The following ERBIN variants were observed in gnomAD, a reference collection of about 807,000 sequenced individuals.
ERBIN encodes the protein erbb2 interacting protein, also known as densin-180-like protein.
A neutral mutation model predicts 158.4 loss-of-function variants in ERBIN; 60 were observed. That is an observed-to-expected ratio of 0.38 (90% CI 0.31 to 0.47). ERBIN has a LOEUF of 0.47. Among genes scored for constraint, ERBIN ranks in the 20% least tolerant of loss-of-function variants. The pLI is 0.99. For missense variants in ERBIN, 1,610 were observed against 1,648.0 expected (o/e 0.98, Z 0.40); for synonymous variants, 594 against 557.2 (o/e 1.07, Z -0.93).
At chr5:66,029,327 T>C (rs1756602751) in intron 14 of ERBIN, among the ~76,000 whole-genome samples, 2 of 152,234 alleles carry the variant, frequency 1.3e-5, no homozygotes, top group South Asian at 4.1e-4. Context: ...AAATTAATGC[T>C]TATTATTTGA....
chr5:65,939,568 CTCTT>C (rs1211377425), intron 1 of ERBIN, among the ~76,000 whole-genome samples: 56 of 152,202 alleles, frequency 3.7e-4, no homozygotes, highest in African/African-American at 1.3e-3. Flanking sequence ...CCCTCTCCCT[CTCTT>C]TCCACGGTCT....
At chr5:65,992,510 A>G (rs1751986401) in intron 2 of ERBIN, among the ~76,000 whole-genome samples, 200 bp from the exon 3 acceptor site, 1 of 152,194 alleles carries the variant, frequency 6.6e-6, no homozygotes, top group African/African-American at 2.4e-5. Flanking sequence ...GTGAAGTACT[A>G]AAGAGCTTGA....
intron 1 of ERBIN, among the ~76,000 whole-genome samples, chr5:65,977,579 C>T (rs1228261933): frequency 0.039 from 5,922 of 151,306 alleles, 363 homozygotes; most frequent in African/African-American, 0.14. Flanking sequence ...CAGAGACGCT[C>T]CTCACTTCCC....
chr5:66,030,780 A>C (rs529537840), intron 14 of ERBIN, among the ~76,000 whole-genome samples: 20 of 151,974 alleles, frequency 1.3e-4, no homozygotes, highest in African/African-American at 4.3e-4. Flanking sequence ...GATATTGCCC[A>C]GGCTGGTCTT....
At chr5:65,936,995 A>G (rs948282634) in intron 1 of ERBIN, among the ~76,000 whole-genome samples, 4 of 152,204 alleles carry the variant, frequency 2.6e-5, no homozygotes, top group Admixed American at 2.0e-4. Context: ...GAGAGAGGCA[A>G]TATAGTATAG....
chr5:66,059,385 T>G (rs1759995512), intron 21 of ERBIN, among the ~76,000 whole-genome samples: 1 of 152,242 alleles, frequency 6.6e-6, no homozygotes, highest in Non-Finnish European at 1.5e-5. Context: ...ACACATTGAT[T>G]TTATATCCTG....
intron 4 of ERBIN, among the ~76,000 whole-genome samples, chr5:65,996,265 T>A (rs1438625857): frequency 4.0e-5 from 3 of 75,844 alleles, no homozygotes; most frequent in African/African-American, 1.2e-4. Context: ...TTTTTTTTTT[T>A]AACAGTTTTG....
chr5:65,992,882 C>G lies in ERBIN; in HGVS notation c.164C>G (p.Ala55Gly). ...ACCTTGGAGGAACTCTATTTAGATG[C>G]TAATCAGATTGAAGAGCTTCCAAAG... ...EKTLEELYLDANQIEELPKQL... is the reference protein window; with the variant it reads ...EKTLEELYLDGNQIEELPKQL... The change falls in exon 3 of 26, where the codon GCT becomes GGT. Residue 55 changes from alanine (A) to glycine (G), a missense_variant. Ala to Gly is a moderately conservative substitution (Grantham distance 60, BLOSUM62 0). Coordinates refer to ENST00000284037, the MANE Select transcript of ERBIN (RefSeq NM_001253697.2). The G allele has an allele frequency of 1.9e-6, 3 of 1,605,622 alleles. No homozygotes were observed. The highest frequency in any genetic ancestry group is 2.5e-6 in the Non-Finnish European group (3 of 1,177,368).
Position 65,955,250 on chromosome 5 carries a change from A to C in ERBIN, c.-58+28444A>C, listed in dbSNP as rs545027228. Among the ~76,000 whole-genome samples the C allele has an allele frequency of 7.2e-5, 11 of 152,292 alleles. 1 individual carries two copies. Among genetic ancestry groups the C allele is most frequent in the African/African-American group, 2.6e-4 (11 of 41,532 alleles). ...ATATTTAGGAATTTTTGTGTCTACA[A>C]AGTATGTGCTGAATTAGAAACACTG... On this transcript the variant is annotated intron_variant, in intron 1 of 25. Coordinates refer to ENST00000284037, the MANE Select transcript of ERBIN (RefSeq NM_001253697.2).
rs556702003 is a variant in ERBIN at position 66,018,022 on chromosome 5, A to G, written c.533+3297A>G. Among the ~76,000 whole-genome samples, 4 of 151,946 alleles carry G rather than the reference A, an allele frequency of 2.6e-5. No individual in the cohort carries two copies. In the South Asian group the frequency reaches 8.3e-4, roughly 32 times the overall value. ...TGCATGGATTTATGTCTGGGTTCTC[A>G]ATTCCTTTCCATTGGTCTGTGTGCC... On this transcript the variant is annotated intron_variant, in intron 7 of 25. Coordinates refer to ENST00000284037, the MANE Select transcript of ERBIN (RefSeq NM_001253697.2).
intron 21 of ERBIN, among the ~76,000 whole-genome samples, chr5:66,071,440 A>G (rs1761519328): frequency 6.6e-6 from 1 of 152,224 alleles, no homozygotes; most frequent in Admixed American, 6.5e-5. Context: ...TAAAGCTATC[A>G]GCTTGGTAAA....
chr5:66,070,862 G>A (rs961424968), intron 21 of ERBIN, among the ~76,000 whole-genome samples: 1 of 152,146 alleles, frequency 6.6e-6, no homozygotes, highest in African/African-American at 2.4e-5. Context: ...TCATAACAAA[G>A]TAGATTTTAG....
chr5:65,990,198 C>A (rs1242450656), intron 2 of ERBIN, among the ~76,000 whole-genome samples: 1 of 152,022 alleles, frequency 6.6e-6, no homozygotes, highest in East Asian at 1.9e-4. Flanking sequence ...GTTTTAAGAA[C>A]CTTCCTTCAA....
At chr5:66,060,575 C>A (rs1561442375) in intron 21 of ERBIN, among the ~76,000 whole-genome samples, 2 of 152,120 alleles carry the variant, frequency 1.3e-5, no homozygotes, top group African/African-American at 4.8e-5. Flanking sequence ...TTCTTGTCTT[C>A]TGCTAGTTTT....
intron 14 of ERBIN, among the ~76,000 whole-genome samples, chr5:66,035,265 A>G (rs1757283534): frequency 6.6e-6 from 1 of 152,164 alleles, no homozygotes; most frequent in Non-Finnish European, 1.5e-5. Flanking sequence ...ATATAGCTCA[A>G]TTCCTACTTA....
At chr5:65,986,921 TC>T (rs1165306276) in intron 1 of ERBIN, among the ~76,000 whole-genome samples, 3 of 152,236 alleles carry the variant, frequency 2.0e-5, no homozygotes, top group Non-Finnish European at 1.5e-5. Flanking sequence ...TTTGTTTTTT[TC>T]CTCTGTCAGT....
intron 1 of ERBIN, among the ~76,000 whole-genome samples, chr5:65,943,963 T>C (rs1164097780): frequency 6.6e-6 from 1 of 152,216 alleles, no homozygotes; most frequent in Admixed American, 6.5e-5. Context: ...CATCTGTGTT[T>C]CAGCATATGT....
intron 17 of ERBIN, among the ~76,000 whole-genome samples, chr5:66,045,419 G>A (rs545530219): frequency 2.8e-4 from 41 of 146,104 alleles, no homozygotes; most frequent in Non-Finnish European, 4.9e-4. Context: ...TAGCCTATAT[G>A]TAATATAGTA....
chr5:66,060,679 T>C (rs2151264519), intron 21 of ERBIN, among the ~76,000 whole-genome samples: 1 of 152,336 alleles, frequency 6.6e-6, no homozygotes, highest in East Asian at 1.9e-4. Context: ...GGGCATTTAG[T>C]GCTATAAATT....
Sources: allele counts gnomAD v4.1 joint callset (sites outside exome capture counted in the v4.1 genomes callset), GRCh38; gene constraint gnomAD v4.1.1; transcripts MANE v1.5; gene names NCBI Gene and HGNC (gene_info 2026-07-23, HGNC 2026-07-21).